SYT1: variants seen among roughly 807,000 people sequenced by gnomAD.
SYT1 encodes the protein synaptotagmin 1, also known as synaptotagmin-1.
Under a neutral mutation model 44.8 loss-of-function variants are expected in SYT1, and 8 were observed. The observed-to-expected ratio is 0.18, with a 90% confidence interval of 0.10 to 0.32. SYT1 has a LOEUF of 0.32. Among genes scored for constraint, SYT1 ranks in the 10% least tolerant of loss-of-function variants. The pLI, the probability that SYT1 is intolerant of heterozygous loss-of-function variation, is 1.00. For missense variants in SYT1, 286 were observed against 509.3 expected, an observed-to-expected ratio of 0.56 and a Z score of 4.22; for synonymous variants, 154 against 188.8, an observed-to-expected ratio of 0.82 and a Z score of 1.51.
At chr12:79,068,137 C>T (rs1876005180) in intron 3 of SYT1, among the ~76,000 whole-genome samples, 2 of 152,148 alleles carry the variant, frequency 1.3e-5, no homozygotes, top group African/African-American at 2.4e-5. Context: ...AACCCAAACA[C>T]ACTTGTCAAA....
At chr12:79,349,023 G>GAA (rs1448588835) in intron 8 of SYT1, among the ~76,000 whole-genome samples, 16 of 86,480 alleles carry the variant, frequency 1.9e-4, no homozygotes, top group African/African-American at 6.4e-4. Flanking sequence ...AAGAAAGAAA[G>GAA]AAAGAAAGAA....
chr12:79,026,363 A>G (rs1023793106), intron 2 of SYT1, among the ~76,000 whole-genome samples: 60 of 151,604 alleles, frequency 4.0e-4, no homozygotes, highest in African/African-American at 1.3e-3. Context: ...CCAAAGAGTT[A>G]GTTGCATTCT....
At chr12:78,892,331 T>G (rs1426486869) in intron 1 of SYT1, among the ~76,000 whole-genome samples, 2 of 151,822 alleles carry the variant, frequency 1.3e-5, no homozygotes, top group African/African-American at 4.8e-5. Flanking sequence ...TTATAGTACA[T>G]TTTAGGTTCT....
At chr12:78,994,058 G>T (rs899001737) in intron 2 of SYT1, among the ~76,000 whole-genome samples, 2 of 152,202 alleles carry the variant, frequency 1.3e-5, no homozygotes, top group African/African-American at 4.8e-5. Context: ...TCCTTCACAT[G>T]TGTGGTTTTT....
chr12:79,306,882 T>A (rs1311424231), intron 8 of SYT1, among the ~76,000 whole-genome samples: 1 of 152,160 alleles, frequency 6.6e-6, no homozygotes, highest in Non-Finnish European at 1.5e-5. Flanking sequence ...GCAGCCTTGT[T>A]TACATCTGGT....
chr12:79,276,430 C>T (rs1878725608), intron 4 of SYT1, among the ~76,000 whole-genome samples: 1 of 151,848 alleles, frequency 6.6e-6, no homozygotes, highest in Non-Finnish European at 1.5e-5. Flanking sequence ...GTAATTCCAG[C>T]ACTTTGAGAG....
At chr12:78,937,039 G>A (rs907155460) in intron 1 of SYT1, among the ~76,000 whole-genome samples, 1 of 152,068 alleles carries the variant, frequency 6.6e-6, no homozygotes, top group Admixed American at 6.6e-5. Context: ...CTGACAAGAA[G>A]CTTTTTTAAA....
chr12:79,044,176 C>T (rs1440629852), intron 2 of SYT1, among the ~76,000 whole-genome samples: 1 of 152,040 alleles, frequency 6.6e-6, no homozygotes, highest in Non-Finnish European at 1.5e-5. Flanking sequence ...GTTGGCCTGC[C>T]TTGCTAGATT....
chr12:79,148,056 TCACG>T (rs1305062971), intron 3 of SYT1, among the ~76,000 whole-genome samples: 2 of 152,144 alleles, frequency 1.3e-5, no homozygotes, highest in African/African-American at 4.8e-5. Context: ...AAATAAAATC[TCACG>T]CATCAAAAAG....
intron 3 of SYT1, among the ~76,000 whole-genome samples, chr12:79,150,575 G>A (rs759329818): frequency 3.9e-5 from 6 of 152,112 alleles, no homozygotes; most frequent in Non-Finnish European, 8.8e-5. Flanking sequence ...TTTCAGATCA[G>A]ACCATTTTTA....
chr12:79,234,712 C>CTTTCT (rs1876081433), intron 4 of SYT1, among the ~76,000 whole-genome samples: 4 of 28,792 alleles, frequency 1.4e-4, no homozygotes, highest in Admixed American at 4.2e-4. Context: ...TTCTTTCTTT[C>CTTTCT]TTTTTTTTTT....
intron 4 of SYT1, among the ~76,000 whole-genome samples, chr12:79,247,719 C>G (rs887141235): frequency 2.6e-5 from 4 of 151,822 alleles, no homozygotes; most frequent in Admixed American, 2.6e-4. Flanking sequence ...ATTTACAATA[C>G]AATAGATGCT....
intron 4 of SYT1, among the ~76,000 whole-genome samples, chr12:79,234,080 TCTTTC>T (rs1262384786): frequency 6.6e-6 from 1 of 152,206 alleles, no homozygotes; most frequent in African/African-American, 2.4e-5. Flanking sequence ...TAATTCTCTT[TCTTTC>T]CTTCTAACAT....
In SYT1 at chr12:79,276,556, G is replaced by A. The variant is rs546738730; in HGVS notation, c.167-9231G>A. On this transcript the variant is annotated intron_variant, in intron 4 of 10. Transcript: ENST00000261205. ...CTGGGCATGGTGGCACACACCTCTA[G>A]TCCCAGCTACTAGGGTGGCTGAGGC... Among the ~76,000 whole-genome samples the A allele has an allele frequency of 5.5e-4, 83 of 151,406 alleles. 1 individual carries two copies. The Middle Eastern group carries it at 0.02, about 37-fold the overall frequency.
intron 3 of SYT1, among the ~76,000 whole-genome samples, chr12:79,163,010 C>G (rs1871042235): frequency 6.6e-6 from 1 of 152,066 alleles, no homozygotes; most frequent in African/African-American, 2.4e-5. Flanking sequence ...TTAAAAGGTT[C>G]AAATCAGAAT....
chr12:79,053,275 C>T (rs1874662111), intron 3 of SYT1, among the ~76,000 whole-genome samples: 1 of 152,008 alleles, frequency 6.6e-6, no homozygotes, highest in African/African-American at 2.4e-5. Context: ...CCAAATACCG[C>T]ATGTTCTCAC....
intron 8 of SYT1, among the ~76,000 whole-genome samples, chr12:79,344,739 G>A (rs1283703461): frequency 1.3e-5 from 2 of 152,118 alleles, no homozygotes; most frequent in Non-Finnish European, 2.9e-5. Context: ...TTACAGCCAT[G>A]AGCCACCACA....
chr12:79,191,340 C>T (rs919658256), intron 3 of SYT1, among the ~76,000 whole-genome samples: 17 of 151,982 alleles, frequency 1.1e-4, no homozygotes, highest in Non-Finnish European at 2.2e-4. Context: ...GTTCTTTCCT[C>T]ATTAAGTTTA....
In SYT1 at chr12:79,160,030, A is replaced by G. The variant is rs568413152; in HGVS notation, c.-17-57473A>G. On this transcript the variant is annotated intron_variant, in intron 3 of 10. Transcript: ENST00000261205. ...CTTACTGAGTATTACATGGAAATAT[A>G]ATGGAGATGTTGAGAATAAATGGCG... is the stretch of plus-strand genomic sequence containing the variant. Among the ~76,000 whole-genome samples, 11 of 152,288 alleles carry G rather than the reference A, an allele frequency of 7.2e-5. No homozygotes were observed. In the East Asian group the frequency reaches 2.1e-3, roughly 29 times the overall value.
Sources: gnomAD v4.1 joint callset for allele counts (sites outside exome capture counted in the v4.1 genomes callset) on GRCh38, gnomAD v4.1.1 for gene constraint, MANE v1.5 for transcripts, NCBI Gene and HGNC (gene_info 2026-07-23, HGNC 2026-07-21) for gene names.